ZNF208: variants seen among roughly 807,000 people sequenced by gnomAD.
ZNF208 encodes the protein zinc finger protein 95.
A neutral mutation model predicts 12.1 loss-of-function variants in ZNF208; 10 were observed. The ratio of observed to expected loss-of-function variants is 0.83; its 90% CI spans 0.51 to 1.40. The LOEUF (loss-of-function observed/expected upper bound fraction) is 1.40. ZNF208 is among the 40% of genes most tolerant of loss of function. The probability of loss-of-function intolerance (pLI) is 0.00; values close to 1 mark genes in which losing one functional copy is unlikely to be tolerated. For missense variants in ZNF208, 1,652 were observed against 1,485.0 expected, an observed-to-expected ratio of 1.11 and a Z score of -1.85; for synonymous variants, 497 against 488.4, an observed-to-expected ratio of 1.02 and a Z score of -0.23.
intron 1 of ZNF208, among the ~76,000 whole-genome samples, chr19:21,990,643 G>A (rs951157353): frequency 5.3e-5 from 8 of 152,272 alleles, no homozygotes; most frequent in African/African-American, 1.9e-4. Flanking sequence ...GTCATTGGTA[G>A]CTTGATGGAG....
At chr19:21,959,460 G>A (rs544281546) in intron 4 of ZNF208, among the ~76,000 whole-genome samples, 11 of 152,222 alleles carry the variant, frequency 7.2e-5, no homozygotes, top group African/African-American at 2.6e-4. Flanking sequence ...TTTCCATATC[G>A]CTGTTATAAT....
chr19:21,963,120 CTCT>C (rs143124088), downstream of ZNF208, among the ~76,000 whole-genome samples: 5,172 of 152,162 alleles, frequency 0.034, 300 homozygotes, highest in African/African-American at 0.12. Flanking sequence ...GCAGGCAATG[CTCT>C]TCTTACTTTA....
rs2145542202 is a variant in ZNF208 at position 21,970,219 on chromosome 19, C to T, written c.*972G>A. On this transcript the variant is annotated 3_prime_UTR_variant, in exon 4 of 4. Transcript: ENST00000397126. Reference sequence around the variant, plus strand: ...CTTGTGTATGAATTAGCTTATGTCTCTTAAGAATTGAGGATCTATTAGAGG... The same window carrying T: ...CTTGTGTATGAATTAGCTTATGTCTTTTAAGAATTGAGGATCTATTAGAGG... 6.6e-6 allele frequency among the ~76,000 whole-genome samples: 1 copy of T among 152,284 alleles called. No individual in the cohort carries two copies. Among genetic ancestry groups the T allele is most frequent in the South Asian group, 2.1e-4 (1 of 4,824 alleles).
intron 3 of ZNF208, among the ~76,000 whole-genome samples, chr19:21,975,847 A>G (rs1970420594): frequency 6.8e-6 from 1 of 147,676 alleles, no homozygotes; most frequent in Non-Finnish European, 1.5e-5. Flanking sequence ...AAAAAAAAAA[A>G]AAAAGCTATC....
At chr19:21,955,270 CCATTTCAACTTTGATGA>C (rs1471448891) in intron 4 of ZNF208, among the ~76,000 whole-genome samples, 1 of 152,116 alleles carries the variant, frequency 6.6e-6, no homozygotes, top group African/African-American at 2.4e-5. Flanking sequence ...ATTTTTTCCT[CCATTTCAACTTTGATGA>C]ATCTGACGAT....
chr19:22,008,938 C>G (rs921846460), intron 1 of ZNF208, among the ~76,000 whole-genome samples: 1 of 152,122 alleles, frequency 6.6e-6, no homozygotes, highest in Non-Finnish European at 1.5e-5. Context: ...TCACTAGACG[C>G]TCTCGCAGAC....
chr19:21,987,075 A>C lies in ZNF208; in HGVS notation c.226+141T>G, dbSNP rs954162199. 3 of 826,646 alleles carry C rather than the reference A, an allele frequency of 3.6e-6. No homozygotes were observed. In the Admixed American group the frequency reaches 1.1e-4, roughly 29 times the overall value. The allele number at this position is 826,646 out of a possible 1,614,324, so 51.2% of individuals were successfully genotyped here. A position where few individuals can be genotyped will look rare whatever the true frequency, so the allele number is the denominator to read the frequency against. On this transcript the variant is annotated intron_variant, in intron 3 of 3. Coordinates refer to ENST00000397126, the MANE Select transcript of ZNF208 (RefSeq NM_007153.3). ...GACCGAAGATGCCCCTGTGTGAGAG[A>C]AAATTAAAGAATAAAAATAAAAATT...
intron 4 of ZNF208, among the ~76,000 whole-genome samples, chr19:21,950,620 A>G (rs1275372774): frequency 6.6e-6 from 1 of 151,912 alleles, no homozygotes; most frequent in African/African-American, 2.4e-5. Context: ...CAGCCTCCCA[A>G]GTAGCTGGGA....
rs1342952695 is a variant in ZNF208, at chr19:21,966,479, G to C, written c.*4712C>G. 1 of 152,090 alleles carries C rather than the reference G, an allele frequency of 6.6e-6. No homozygotes were observed. Among genetic ancestry groups the C allele is most frequent in the African/African-American group, 2.4e-5 (1 of 41,434 alleles). The allele number at this position is 152,090 out of a possible 1,614,324, so 9.4% of individuals were successfully genotyped here. ...CTGCATAGTATTGGAGGTTGTATAA[G>C]TACATCATTTTTCTTATCCAATAAA... On this transcript the variant is annotated 3_prime_UTR_variant, in exon 4 of 4. Transcript: ENST00000397126.
downstream of ZNF208, chr19:21,966,069 C>G (rs1271076631): frequency 6.6e-6 from 1 of 151,430 alleles, no homozygotes; most frequent in Non-Finnish European, 1.5e-5. Context: ...ACTATTAACC[C>G]AGCACTGGAA....
At chr19:22,006,755 T>G (rs957247218) in intron 1 of ZNF208, among the ~76,000 whole-genome samples, 2 of 152,188 alleles carry the variant, frequency 1.3e-5, no homozygotes, top group African/African-American at 2.4e-5. Context: ...ATTCACTTAG[T>G]TTTTGAAATT....
At chr19:21,950,638 C>T (rs1050168487) in intron 4 of ZNF208, among the ~76,000 whole-genome samples, 5 of 152,228 alleles carry the variant, frequency 3.3e-5, no homozygotes, top group Admixed American at 6.5e-5. Flanking sequence ...GGATTACAGG[C>T]ATCTGCCACC....
chr19:21,973,226 T>A lies in ZNF208; in HGVS notation c.1808A>T (p.His603Leu). 6.2e-7 allele frequency: 1 copy of A among 1,613,620 alleles called. No individual in the cohort carries two copies. The highest frequency in any genetic ancestry group is 8.5e-7 in the Non-Finnish European group (1 of 1,179,926). ...SAILIKHKRI[H>L]TGEKPYKCEE... ...ACATTTGTAGGGTTTCTCACCAGTA[T>A]GAATTCTCTTATGTTTAATAAGAAT... Residue 603 changes from histidine (H) to leucine (L), a missense_variant, in exon 4 of 4, where the codon CAT becomes CTT. By Grantham distance (99) the His-to-Leu change is moderately conservative (BLOSUM62 -3). Transcript: ENST00000397126.
rs1357025303 is a variant in ZNF208, at chr19:21,969,371, T to C, written c.*1820A>G. On this transcript the variant is annotated 3_prime_UTR_variant, in exon 4 of 4. Coordinates refer to ENST00000397126, the MANE Select transcript of ZNF208 (RefSeq NM_007153.3). Reference sequence around the variant, plus strand: ...TACTTCTTTTAAAGTTATATACAAATAATTCTTCTTTTTGCCAACTTTAGT... The same window carrying C: ...TACTTCTTTTAAAGTTATATACAAACAATTCTTCTTTTTGCCAACTTTAGT... 6.6e-6 allele frequency among the ~76,000 whole-genome samples: 1 copy of C among 152,168 alleles called. No homozygotes were observed. Among genetic ancestry groups the C allele is most frequent in the Non-Finnish European group, 1.5e-5 (1 of 68,020 alleles).
chr19:21,995,384 T>A (rs1370499440), intron 1 of ZNF208, among the ~76,000 whole-genome samples: 1 of 152,208 alleles, frequency 6.6e-6, no homozygotes, highest in Admixed American at 6.5e-5. Flanking sequence ...CAACCAGAGA[T>A]ACTTCTTGTA....
At chr19:21,979,411 G>T (rs1285356361) in intron 3 of ZNF208, among the ~76,000 whole-genome samples, 1 of 152,136 alleles carries the variant, frequency 6.6e-6, no homozygotes, top group Non-Finnish European at 1.5e-5. Flanking sequence ...GAAGAGACTG[G>T]GGGGCCAATA....
chr19:21,978,027 C>G (rs1194629733), intron 3 of ZNF208, among the ~76,000 whole-genome samples: 1 of 152,154 alleles, frequency 6.6e-6, no homozygotes, highest in Non-Finnish European at 1.5e-5. Flanking sequence ...CTCAAGATGC[C>G]TCCTCTTTGG....
intron 3 of ZNF208, among the ~76,000 whole-genome samples, chr19:21,985,166 A>G (rs1223655219): frequency 6.6e-6 from 1 of 152,234 alleles, no homozygotes; most frequent in Non-Finnish European, 1.5e-5. Context: ...CAAAGATTGT[A>G]TGAGATAGAG....
intron 4 of ZNF208, among the ~76,000 whole-genome samples, chr19:21,958,588 CT>C (rs781404252): frequency 6.6e-6 from 1 of 152,124 alleles, no homozygotes; most frequent in Non-Finnish European, 1.5e-5. Context: ...TCCTGCCCTC[CT>C]TGTTTCATTT....
Sources: gnomAD v4.1 joint callset for allele counts (sites outside exome capture counted in the v4.1 genomes callset) on GRCh38, gnomAD v4.1.1 for gene constraint, MANE v1.5 for transcripts, NCBI Gene and HGNC (gene_info 2026-07-23, HGNC 2026-07-21) for gene names.